ERC1: variants seen among roughly 807,000 people sequenced by gnomAD.
The protein encoded by ERC1 is RAB6 interacting protein 2.
In ERC1, 56 loss-of-function variants were observed where a neutral mutation model predicts 132.0. That is an observed-to-expected ratio of 0.42 (90% CI 0.34 to 0.53). The LOEUF (loss-of-function observed/expected upper bound fraction) is 0.53. Ranked by LOEUF, ERC1 falls within the 20% of genes least tolerant of loss-of-function variation. The pLI is 0.03. For missense variants in ERC1, 1,202 were observed against 1,349.9 expected (o/e 0.89, Z 1.72); for synonymous variants, 478 against 476.1 (o/e 1.00, Z -0.05).
intron 3 of ERC1, among the ~76,000 whole-genome samples, chr12:1,100,153 TTTGACTTTTGAAC>T (rs1408286900): frequency 6.6e-6 from 1 of 152,022 alleles, no homozygotes; most frequent in Admixed American, 6.6e-5. Flanking sequence ...CAGCCGAGAC[TTTGACTTTTGAAC>T]AGACTTCAAC....
chr12:1,451,032 A>G (rs2093414788), intron 18 of ERC1, among the ~76,000 whole-genome samples: 1 of 152,182 alleles, frequency 6.6e-6, no homozygotes, highest in African/African-American at 2.4e-5. Flanking sequence ...GAGTTTTAGA[A>G]GTTCTCTACA....
chr12:1,169,174 G>A (rs989031940), intron 8 of ERC1, among the ~76,000 whole-genome samples: 11 of 152,220 alleles, frequency 7.2e-5, no homozygotes, highest in African/African-American at 2.7e-4. Context: ...TAGAAAGAGT[G>A]TAGCTGTTGG....
At chr12:1,110,145 T>A (rs955536697) in intron 4 of ERC1, 47 bp from the exon 5 acceptor site, 2 of 1,490,010 alleles carry the variant, frequency 1.3e-6, no homozygotes, top group Non-Finnish European at 1.8e-6. Context: ...TCAGCTTTTC[T>A]GGGTTTTTGT....
chr12:1,374,108 C>T (rs1428419506), intron 16 of ERC1, among the ~76,000 whole-genome samples: 1 of 152,142 alleles, frequency 6.6e-6, no homozygotes, highest in Non-Finnish European at 1.5e-5. Flanking sequence ...AGGGAGAGGC[C>T]TTTTGGAAAG....
At chr12:1,284,219 T>G (rs919065967) in intron 14 of ERC1, among the ~76,000 whole-genome samples, 13 of 151,698 alleles carry the variant, frequency 8.6e-5, no homozygotes, top group African/African-American at 2.4e-4. Context: ...CCATTCATGT[T>G]GCTGCAAATG....
chr12:1,115,795 C>A, intron 6 of ERC1, 71 bp from the exon 7 acceptor site: 10 of 1,296,230 alleles, frequency 7.7e-6, no homozygotes, highest in Non-Finnish European at 9.6e-6. Context: ...TGACTCAGAT[C>A]TGTGAAAGAT....
chr12:1,197,657 A>G (rs1277759539), intron 12 of ERC1, among the ~76,000 whole-genome samples: 2 of 152,238 alleles, frequency 1.3e-5, no homozygotes, highest in Admixed American at 1.3e-4. Flanking sequence ...TCTGGCTCAA[A>G]GAGACTAAGA....
intron 15 of ERC1, among the ~76,000 whole-genome samples, chr12:1,303,726 C>T (rs1042626529): frequency 3.9e-5 from 6 of 151,910 alleles, no homozygotes; most frequent in African/African-American, 7.3e-5. Context: ...GAGGCCAAGG[C>T]GGGGCATCAC....
chr12:1,413,637 T>C (rs1315335130), intron 17 of ERC1, among the ~76,000 whole-genome samples: 1 of 152,140 alleles, frequency 6.6e-6, no homozygotes, highest in African/African-American at 2.4e-5. Context: ...ATTGGTTCTC[T>C]CTCTCACATG....
rs1179463850 is a variant in ERC1 at position 1,418,619 on chromosome 12, CTTTCTTTCTTTCTTTCTT to C, written c.3024+10374_3024+10391del. Reference sequence around the variant, plus strand: ...TCTTTCTTTCTTTCTTTCTTTCTTTCTTTCTTTCTTTCTTTCTTTCTTTCTCTCTCTCTCTCTCTCTCT... The same window carrying C: ...TCTTTCTTTCTTTCTTTCTTTCTTTCTCTTTCTCTCTCTCTCTCTCTCTCT... On this transcript the variant is annotated intron_variant, in intron 17 of 18. Transcript: ENST00000360905. 2.4e-3 allele frequency among the ~76,000 whole-genome samples: 306 copies of C among 126,764 alleles called. 2 individuals are homozygous for C. The highest frequency in any genetic ancestry group is 0.011 in the African/African-American group (275 of 25,852). 83.2% of individuals were successfully genotyped at this position (126,764 alleles called of 152,430 possible). A position where few individuals can be genotyped will look rare whatever the true frequency, so the allele number is the denominator to read the frequency against.
At chr12:1,097,516 T>C (rs1944187655) in intron 3 of ERC1, among the ~76,000 whole-genome samples, 1 of 152,092 alleles carries the variant, frequency 6.6e-6, no homozygotes, top group African/African-American at 2.4e-5. Context: ...CCCAGCCCTA[T>C]GGGGTTCAGG....
At chr12:1,152,144 G>A (rs2154254922) in intron 8 of ERC1, 1 of 151,552 alleles carries the variant, frequency 6.6e-6, no homozygotes, top group East Asian at 2.0e-4. Flanking sequence ...AGGTTGCAGT[G>A]AGCTGAGATT....
intron 14 of ERC1, among the ~76,000 whole-genome samples, chr12:1,272,097 C>T (rs2077898183): frequency 6.6e-6 from 1 of 152,198 alleles, no homozygotes; most frequent in African/African-American, 2.4e-5. Flanking sequence ...GCTCCCATCA[C>T]TTAGAAATTA....
chr12:1,033,212 A>G (rs1968399689), intron 2 of ERC1, among the ~76,000 whole-genome samples: 2 of 150,868 alleles, frequency 1.3e-5, no homozygotes, highest in African/African-American at 4.9e-5. Context: ...AATTTTTTGT[A>G]TTTTCAGTAG....
At chr12:1,470,339 T>C (rs1229208396) in intron 18 of ERC1, among the ~76,000 whole-genome samples, 1 of 152,180 alleles carries the variant, frequency 6.6e-6, no homozygotes, top group Admixed American at 6.5e-5. Flanking sequence ...TGGATCAGGC[T>C]TTGTGCTGGT....
At chr12:1,276,414 A>AT (rs1442342942) in intron 14 of ERC1, among the ~76,000 whole-genome samples, 1 of 150,812 alleles carries the variant, frequency 6.6e-6, no homozygotes, top group Non-Finnish European at 1.5e-5. Context: ...ATTTTTTGTT[A>AT]TTTTTAGTAG....
chr12:1,294,838 C>T (rs1371451343), intron 15 of ERC1, among the ~76,000 whole-genome samples: 3 of 151,990 alleles, frequency 2.0e-5, no homozygotes, highest in Admixed American at 6.6e-5. Flanking sequence ...CCTTTCAGGA[C>T]CATCTTTTTC....
Position 1,359,084 on chromosome 12 carries a change from A to C in ERC1, c.2781-12749A>C, listed in dbSNP as rs550900831. On this transcript the variant is annotated intron_variant, in intron 15 of 18. Coordinates refer to ENST00000360905, the MANE Select transcript of ERC1 (RefSeq NM_178040.4). ...TCAGGAATCCAAAATTGTCATTAGT[A>C]CTATATTGGAGCCCTCAAAACTTTG... Among the ~76,000 whole-genome samples the C allele has an allele frequency of 2.0e-5, 3 of 152,266 alleles. No individual in the cohort carries two copies. The East Asian group carries it at 5.8e-4, about 29-fold the overall frequency.
At chr12:1,412,617 C>T (rs74841044) in intron 17 of ERC1, among the ~76,000 whole-genome samples, 8,062 of 152,172 alleles carry the variant, frequency 0.053, 245 homozygotes, top group Middle Eastern at 0.065. Flanking sequence ...TTGTGAGACA[C>T]GTGGACTCCA....
Sources: gnomAD v4.1 joint callset for allele counts (sites outside exome capture counted in the v4.1 genomes callset) on GRCh38, gnomAD v4.1.1 for gene constraint, MANE v1.5 for transcripts, NCBI Gene and HGNC (gene_info 2026-07-23, HGNC 2026-07-21) for gene names.